Variants in PPP2CB observed in about 807,000 individuals in gnomAD.
PPP2CB encodes serine/threonine-protein phosphatase 2A catalytic subunit beta isoform.
Under a neutral mutation model 39.1 loss-of-function variants are expected in PPP2CB, and 18 were observed. The ratio of observed to expected loss-of-function variants is 0.46; its 90% CI spans 0.32 to 0.68. The LOEUF is 0.68. Among genes scored for constraint, PPP2CB ranks in the 30% least tolerant of loss-of-function variants. The probability of loss-of-function intolerance (pLI) is 0.04; values close to 1 mark genes in which losing one functional copy is unlikely to be tolerated. For synonymous variants in PPP2CB, 129 were observed against 133.8 expected (o/e 0.96, Z 0.25); for missense variants, 226 against 396.9 (o/e 0.57, Z 3.66).
chr8:30,799,264 G>C (rs1806578676), intron 2 of PPP2CB, among the ~76,000 whole-genome samples: 1 of 152,090 alleles, frequency 6.6e-6, no homozygotes. Context: ...TCAAAGCAAG[G>C]ATTTAAAAAG....
intron 1 of PPP2CB, among the ~76,000 whole-genome samples, chr8:30,802,810 A>G (rs908402499): frequency 6.6e-6 from 1 of 152,212 alleles, no homozygotes; most frequent in African/African-American, 2.4e-5. Flanking sequence ...ACATGCTACA[A>G]TATGGAGGAA....
At chr8:30,797,783 A>C in intron 2 of PPP2CB, 29 bp from the exon 3 acceptor site, 1 of 1,603,246 alleles carries the variant, frequency 6.2e-7, no homozygotes, top group East Asian at 2.2e-5. Context: ...AACCCATAGT[A>C]AAATCACATT....
At chr8:30,794,500 C>G in intron 3 of PPP2CB, 1 of 456,538 alleles carries the variant, frequency 2.2e-6, no homozygotes, top group Non-Finnish European at 3.9e-6. Context: ...CTCCCTCCCT[C>G]CCTTCCTTTT....
chr8:30,797,099 T>C (rs187534794), intron 3 of PPP2CB, among the ~76,000 whole-genome samples: 1 of 152,300 alleles, frequency 6.6e-6, no homozygotes, highest in African/African-American at 2.4e-5. Context: ...TCCTCTTGCC[T>C]TGGCCTCCCA....
intron 3 of PPP2CB, among the ~76,000 whole-genome samples, chr8:30,796,886 C>T (rs1806535959): frequency 1.3e-5 from 2 of 152,182 alleles, no homozygotes; most frequent in South Asian, 4.1e-4. Context: ...TTTGCTGTTG[C>T]CCAGGCTGAA....
chr8:30,812,254 G>T (rs1806848258), intron 1 of PPP2CB, 66 bp downstream of exon 1: 2 of 1,253,848 alleles, frequency 1.6e-6, no homozygotes, highest in South Asian at 1.7e-5. Context: ...CGGGACCGGG[G>T]CGGGCAGGAA....
At chr8:30,795,770 G>A (rs1457116745) in intron 3 of PPP2CB, among the ~76,000 whole-genome samples, 2 of 152,134 alleles carry the variant, frequency 1.3e-5, no homozygotes, top group East Asian at 1.9e-4. Context: ...TTAATAACTG[G>A]TATTTTACTA....
At chr8:30,791,965 CGTGTGTATAT>C (rs944184649) in intron 5 of PPP2CB, among the ~76,000 whole-genome samples, 5 of 136,034 alleles carry the variant, frequency 3.7e-5, no homozygotes, top group African/African-American at 1.6e-4. Flanking sequence ...TATATGTATA[CGTGTGTATAT>C]GTGTATATAT....
chr8:30,796,884 T>TGCCCAGGCTGAA (rs1217033251), intron 3 of PPP2CB, among the ~76,000 whole-genome samples: 2 of 152,238 alleles, frequency 1.3e-5, no homozygotes, highest in Non-Finnish European at 2.9e-5. Flanking sequence ...GTTTTGCTGT[T>TGCCCAGGCTGAA]GCCCAGGCTG....
At chr8:30,809,052 G>T (rs1254877776) in intron 1 of PPP2CB, among the ~76,000 whole-genome samples, 2 of 151,478 alleles carry the variant, frequency 1.3e-5, no homozygotes, top group African/African-American at 4.8e-5. Flanking sequence ...CAAGTAGCTG[G>T]GAGTGCAACA....
At chr8:30,803,367 A>G (rs574046105) in intron 1 of PPP2CB, among the ~76,000 whole-genome samples, 5 of 152,012 alleles carry the variant, frequency 3.3e-5, no homozygotes, top group Admixed American at 6.6e-5. Context: ...ACATGAGGAG[A>G]CCCTGTCTCT....
At chr8:30,790,620 G>A (rs1302259403) in intron 6 of PPP2CB, among the ~76,000 whole-genome samples, 2 of 152,192 alleles carry the variant, frequency 1.3e-5, no homozygotes, top group South Asian at 2.1e-4. Context: ...ACAGCATTGG[G>A]AAACCCAGCA....
Position 30,791,985 on chromosome 8 carries a change from T to TAC in PPP2CB, c.739-672_739-671dup, listed in dbSNP as rs544646424. Among the ~76,000 whole-genome samples, 10 of 151,488 alleles carry TAC rather than the reference T, an allele frequency of 6.6e-5. No homozygotes were observed. The East Asian group carries it at 7.7e-4, about 12-fold the overall frequency. ...GTATACGTGTGTATATGTGTATATATACGTGTGCATATATGTATACACACA... is the reference window on the plus strand; with the variant it reads ...GTATACGTGTGTATATGTGTATATATACACGTGTGCATATATGTATACACACA... On this transcript the variant is annotated intron_variant, in intron 5 of 6. Transcript: ENST00000221138.
chr8:30,812,495 C>G lies in PPP2CB; in HGVS notation c.-74G>C. ...CTCCCCCCTCCCCACCCGCCCCCGG[C>G]CCCGGCCCGGGCGCCGCTCCCCTCT... On this transcript the variant is annotated 5_prime_UTR_variant, in exon 1 of 7. Coordinates refer to ENST00000221138, the MANE Select transcript of PPP2CB (RefSeq NM_001009552.2). 1.7e-6 allele frequency: 2 copies of G among 1,151,356 alleles called. No individual in the cohort carries two copies. The highest frequency in any genetic ancestry group is 2.3e-6 in the Non-Finnish European group (2 of 867,202). The allele number at this position is 1,151,356 out of a possible 1,614,324, so 71.3% of individuals were successfully genotyped here. A position where few individuals can be genotyped will look rare whatever the true frequency, so the allele number is the denominator to read the frequency against.
chr8:30,786,263 G>A lies in PPP2CB; in HGVS notation c.902C>T (p.Thr301Ile). ...PAPRRGEPHV[T>I]RRTPDYFL ...TAGGAAGTAGTCTGGGGTGCGCCGT[G>A]TAACATGAGGCTCACCACGACGAGG... Residue 301 changes from threonine to isoleucine, a missense_variant, in exon 7 of 7, where the codon ACA becomes ATA. Thr to Ile is a moderately conservative substitution (Grantham distance 89). Around this residue, in one of 4 missense-constraint regions of PPP2CB, gnomAD observed 56 missense variants for 92.0 expected, o/e 0.61. Coordinates refer to ENST00000221138, the MANE Select transcript of PPP2CB (RefSeq NM_001009552.2). 1.3e-6 allele frequency: 2 copies of A among 1,579,870 alleles called. No homozygotes were observed. Among genetic ancestry groups the A allele is most frequent in the East Asian group, 2.3e-5 (1 of 43,862 alleles).
chr8:30,811,836 G>A (rs1389557074), intron 1 of PPP2CB, among the ~76,000 whole-genome samples: 1 of 152,120 alleles, frequency 6.6e-6, no homozygotes, highest in Non-Finnish European at 1.5e-5. Flanking sequence ...CCGTTCACCT[G>A]ACAAAAATTC....
chr8:30,786,342 C>T, intron 6 of PPP2CB, 35 bp from the exon 7 acceptor site: 12 of 1,501,272 alleles, frequency 8.0e-6, no homozygotes, highest in Non-Finnish European at 1.1e-5. Flanking sequence ...AATAAAGGAT[C>T]TGACTTTGCA....
At chr8:30,791,510 T>A in intron 5 of PPP2CB, 195 bp from the exon 6 acceptor site, 1 of 472,300 alleles carries the variant, frequency 2.1e-6, no homozygotes, top group Admixed American at 4.2e-5. Context: ...GGCCTAGGAG[T>A]CTGTTAAATG....
chr8:30,792,151 G>A (rs71521392), intron 5 of PPP2CB, among the ~76,000 whole-genome samples: 14 of 151,666 alleles, frequency 9.2e-5, no homozygotes, highest in Non-Finnish European at 1.6e-4. Context: ...CCAACTCCTG[G>A]GTTCAAGCAA....
Sources: allele counts gnomAD v4.1 joint callset (sites outside exome capture counted in the v4.1 genomes callset), GRCh38; gene constraint gnomAD v4.1.1; regional missense constraint gnomAD v4.1.1; transcripts MANE v1.5; gene names NCBI Gene and HGNC (gene_info 2026-07-23, HGNC 2026-07-21).